The following CSMD1 variants were observed in gnomAD, a reference collection of about 807,000 sequenced individuals.
CSMD1 encodes CUB and Sushi multiple domains 1, also known as CUB and sushi domain-containing protein 1.
Under a neutral mutation model 417.5 loss-of-function variants are expected in CSMD1, and 213 were observed. The ratio of observed to expected loss-of-function variants is 0.51; its 90% CI spans 0.46 to 0.57. The LOEUF is 0.57. Ranked by LOEUF, CSMD1 falls within the 20% of genes least tolerant of loss-of-function variation. The pLI, the probability that CSMD1 is intolerant of heterozygous loss-of-function variation, is 0.00. For synonymous variants in CSMD1, 2,862 were observed against 1,736.8 expected (o/e 1.65, Z -16.11); for missense variants, 6,923 against 4,529.7 (o/e 1.53, Z -15.17).
At chr8:4,168,782 C>T (rs968792096) in intron 3 of CSMD1, among the ~76,000 whole-genome samples, 1 of 151,682 alleles carries the variant, frequency 6.6e-6, no homozygotes, top group South Asian at 2.1e-4. Flanking sequence ...TACAATAAAA[C>T]TCTCCTCTTC....
intron 1 of CSMD1, among the ~76,000 whole-genome samples, chr8:4,797,031 T>C (rs1254716470): frequency 6.6e-6 from 1 of 152,114 alleles, no homozygotes; most frequent in Non-Finnish European, 1.5e-5. Context: ...AGGGAGACTG[T>C]CAGCTAATTC....
intron 1 of CSMD1, among the ~76,000 whole-genome samples, chr8:4,770,134 G>T (rs527817346): frequency 6.6e-6 from 1 of 151,048 alleles, no homozygotes; most frequent in East Asian, 1.9e-4. Context: ...AATACCCATA[G>T]TACCAGAAGC....
chr8:4,987,895 T>G (rs1388522975), intron 1 of CSMD1, among the ~76,000 whole-genome samples: 1 of 152,194 alleles, frequency 6.6e-6, no homozygotes, highest in Non-Finnish European at 1.5e-5. Context: ...ACTCTTGGAC[T>G]TACACCAGTG....
intron 1 of CSMD1, among the ~76,000 whole-genome samples, chr8:4,979,106 G>A (rs538373121): frequency 1.4e-4 from 21 of 152,188 alleles, no homozygotes; most frequent in African/African-American, 3.6e-4. Flanking sequence ...GTTAAAACAC[G>A]TCTTTTCTAC....
At chr8:3,275,539 C>T (rs1250004423) in intron 26 of CSMD1, among the ~76,000 whole-genome samples, 1 of 152,204 alleles carries the variant, frequency 6.6e-6, no homozygotes, top group Non-Finnish European at 1.5e-5. Flanking sequence ...TACTTGGTTC[C>T]ATTGTCCCTG....
intron 1 of CSMD1, among the ~76,000 whole-genome samples, chr8:4,972,805 C>A (rs922659869): frequency 6.6e-6 from 1 of 152,024 alleles, no homozygotes; most frequent in African/African-American, 2.4e-5. Flanking sequence ...TAGGTGTTGT[C>A]TTGTTAATTG....
chr8:4,196,882 C>T (rs536366534), intron 3 of CSMD1, among the ~76,000 whole-genome samples: 338 of 152,266 alleles, frequency 2.2e-3, no homozygotes, highest in Non-Finnish European at 3.4e-3. Context: ...GTGAAAGTTC[C>T]GCCATCTTCA....
intron 38 of CSMD1, among the ~76,000 whole-genome samples, chr8:3,160,406 A>G (rs956636310): frequency 6.6e-6 from 1 of 152,206 alleles, no homozygotes. Flanking sequence ...TACAGGTGTG[A>G]GCCACTGCAA....
At chr8:4,645,184 G>C (rs925595963) in intron 1 of CSMD1, among the ~76,000 whole-genome samples, 3 of 151,982 alleles carry the variant, frequency 2.0e-5, no homozygotes, top group Non-Finnish European at 2.9e-5. Context: ...ATGGACGTTG[G>C]CATCTCTGCT....
At chr8:4,114,183 A>G (rs777605179) in intron 3 of CSMD1, among the ~76,000 whole-genome samples, 10 of 152,064 alleles carry the variant, frequency 6.6e-5, no homozygotes, top group Admixed American at 4.6e-4. Context: ...TGACTCCTCT[A>G]TTAGGAGCTC....
chr8:2,999,739 A>G lies in CSMD1; in HGVS notation c.8203+219T>C, dbSNP rs140603235. Among the ~76,000 whole-genome samples the G allele has an allele frequency of 5.0e-3, 761 of 151,328 alleles. 6 individuals are homozygous for G. Among genetic ancestry groups the G allele is most frequent in the African/African-American group, 0.015 (627 of 40,818 alleles). On this transcript the variant is annotated intron_variant, in intron 53 of 69. Transcript: ENST00000635120. Reference sequence around the variant, plus strand: ...TGATAAGCAAATTAAATGTGGAGTCAGGAAAAGGAGTTTGAAGGAAACAAA... The same window carrying G: ...TGATAAGCAAATTAAATGTGGAGTCGGGAAAAGGAGTTTGAAGGAAACAAA...
At chr8:4,794,055 C>T (rs929111713) in intron 1 of CSMD1, among the ~76,000 whole-genome samples, 1 of 152,062 alleles carries the variant, frequency 6.6e-6, no homozygotes, top group African/African-American at 2.4e-5. Context: ...AAATAATTTG[C>T]CTTAAGGTTG....
At chr8:3,723,201 T>C (rs939518435) in intron 6 of CSMD1, among the ~76,000 whole-genome samples, 2 of 152,168 alleles carry the variant, frequency 1.3e-5, no homozygotes, top group Non-Finnish European at 2.9e-5. Flanking sequence ...TCAGGGAAGC[T>C]TGTGGCCATG....
At chr8:4,886,538 C>T (rs2116980154) in intron 1 of CSMD1, among the ~76,000 whole-genome samples, 1 of 151,940 alleles carries the variant, frequency 6.6e-6, no homozygotes, top group South Asian at 2.1e-4. Flanking sequence ...GTGTTTCCTT[C>T]TCTTTTATTT....
chr8:3,206,973 G>A (rs1273337084), intron 30 of CSMD1, among the ~76,000 whole-genome samples: 13 of 151,974 alleles, frequency 8.6e-5, no homozygotes, highest in African/African-American at 3.1e-4. Context: ...CAGCGTGGGA[G>A]CCACTCAGGA....
intron 1 of CSMD1, among the ~76,000 whole-genome samples, chr8:4,839,774 G>C (rs1221779229): frequency 6.6e-6 from 1 of 152,100 alleles, no homozygotes; most frequent in Non-Finnish European, 1.5e-5. Flanking sequence ...CCACAGAAAA[G>C]CATAAACAAC....
intron 26 of CSMD1, among the ~76,000 whole-genome samples, chr8:3,249,217 T>C (rs1405564933): frequency 1.3e-5 from 2 of 152,172 alleles, no homozygotes; most frequent in Non-Finnish European, 2.9e-5. Flanking sequence ...GTTCTTTTTG[T>C]TGCTGCTGCT....
intron 5 of CSMD1, among the ~76,000 whole-genome samples, chr8:3,974,022 TA>T: frequency 6.6e-6 from 1 of 152,172 alleles, no homozygotes. Flanking sequence ...TAAGTTACTT[TA>T]AAATGTAGAG....
At chr8:3,209,743 G>C (rs1462814301) in intron 30 of CSMD1, among the ~76,000 whole-genome samples, 2 of 152,098 alleles carry the variant, frequency 1.3e-5, no homozygotes, top group Non-Finnish European at 2.9e-5. Flanking sequence ...ATAAATGTTT[G>C]TTATTTGGTA....
Sources: allele counts gnomAD v4.1 joint callset (sites outside exome capture counted in the v4.1 genomes callset), GRCh38; gene constraint gnomAD v4.1.1; transcripts MANE v1.5; gene names NCBI Gene and HGNC (gene_info 2026-07-23, HGNC 2026-07-21).